Variants in PLXNB2 observed in about 807,000 individuals in gnomAD.
PLXNB2 encodes plexin-B2.
In PLXNB2, 85 loss-of-function variants were observed where a neutral mutation model predicts 202.6. That is an observed-to-expected ratio of 0.42 (90% CI 0.35 to 0.50). PLXNB2 has a LOEUF of 0.50. Among genes scored for constraint, PLXNB2 ranks in the 20% least tolerant of loss-of-function variants. The pLI is 0.02. For synonymous variants in PLXNB2, 1,239 were observed against 1,137.6 expected (o/e 1.09, Z -1.79); for missense variants, 2,063 against 2,586.2 (o/e 0.80, Z 4.39).
In PLXNB2 at chr22:50,289,014, G is replaced by A. The variant is rs202086361; in HGVS notation, c.1197C>T (p.Ala399=). 4 of 1,610,424 alleles carry A rather than the reference G, an allele frequency of 2.5e-6. No individual in the cohort carries two copies. The highest frequency in any genetic ancestry group is 3.4e-6 in the Non-Finnish European group (4 of 1,178,290). ...GAAAAGCAACAGTGTGGTTGTTCTC[G>A]GCGGCGACCGTCACGGCCGTGAGGT... The part of the protein sequence containing the change: ...GLNLTAVTVA[A]ENNHTVAFLG... The change falls in exon 4 of 37, where the codon GCC becomes GCT. Residue 399 remains alanine (A), a synonymous_variant. Transcript: ENST00000359337. The surrounding 1 kb of genome is among the most constrained non-coding windows in gnomAD (Gnocchi z 8.0).
Position 50,281,345 on chromosome 22 carries a change from G to C in PLXNB2, c.3662+15C>G, listed in dbSNP as rs200366239. 1.9e-6 allele frequency: 3 copies of C among 1,610,012 alleles called. No homozygotes were observed. The Admixed American group carries it at 5.0e-5, about 27-fold the overall frequency. ...GAGGGCTCAGGGTGTTGGCACAGCC[G>C]GGGGGCGGGCTCACCAGTAGCAGTA... On this transcript the variant is annotated intron_variant, in intron 22 of 36. Coordinates refer to ENST00000359337, the MANE Select transcript of PLXNB2 (RefSeq NM_012401.4).
rs775508789 is a variant in PLXNB2 at position 50,283,811 on chromosome 22, G to C, written c.2421+22C>G. 4.3e-6 allele frequency: 7 copies of C among 1,611,630 alleles called. No individual in the cohort carries two copies. In the Admixed American group the frequency reaches 5.0e-5, roughly 12 times the overall value. ...CATGCCAGGGACGAGGGAAGGTGTA[G>C]GCCAGGCTTCGAGGGGCTCACCCTG... On this transcript the variant is annotated intron_variant, in intron 14 of 36. Coordinates refer to ENST00000359337, the MANE Select transcript of PLXNB2 (RefSeq NM_012401.4).
At chr22:50,294,156 G>T (rs902718383) in intron 2 of PLXNB2, among the ~76,000 whole-genome samples, 1 of 152,254 alleles carries the variant, frequency 6.6e-6, no homozygotes, top group Admixed American at 6.5e-5. Flanking sequence ...GGGAGGGCGG[G>T]CAGCAGGCAC....
chr22:50,276,529 T>A, intron 35 of PLXNB2, 100 bp downstream of exon 35: 1 of 1,036,000 alleles, frequency 9.7e-7, no homozygotes, highest in Non-Finnish European at 1.5e-6. Flanking sequence ...TCTCTCCCCC[T>A]CAGCACCACA....
Position 50,289,137 on chromosome 22 carries a change from G to C in PLXNB2, c.1074C>G (p.Ser358=). ...CCGAGCCACATGGGAAGCTCTTGCT[G>C]GAGCCCTGCGGACCACAGCGTGTCA... The part of the protein sequence containing the change: ...DIQCGGHAPG[S]SKSFPCGSEH... The change falls in exon 4 of 37, where the codon TCC becomes TCG. Residue 358 remains serine (S), a synonymous_variant. Coordinates refer to ENST00000359337, the MANE Select transcript of PLXNB2 (RefSeq NM_012401.4). This position sits in a 1 kb window ranked among gnomAD's most constrained non-coding sequence, Gnocchi z 8.0. The C allele has an allele frequency of 6.4e-7, 1 of 1,571,514 alleles. No individual in the cohort carries two copies. Among genetic ancestry groups the C allele is most frequent in the South Asian group, 1.1e-5 (1 of 88,972 alleles).
chr22:50,284,927 C>A lies in PLXNB2; in HGVS notation c.2089-262G>T. On this transcript the variant is annotated intron_variant, in intron 11 of 36. Transcript: ENST00000359337. This position sits in a 1 kb window ranked among gnomAD's most constrained non-coding sequence, Gnocchi z 8.0. ...ACTCATCCACACCTGAGAACATCGC[C>A]CGGCCCACCTGACATCGTGGCCCCC... 1.7e-6 allele frequency: 1 copy of A among 605,762 alleles called. No homozygotes were observed. Among genetic ancestry groups the A allele is most frequent in the Non-Finnish European group, 3.2e-6 (1 of 314,140 alleles). 37.5% of individuals were successfully genotyped at this position (605,762 alleles called of 1,614,324 possible).
intron 1 of PLXNB2, among the ~76,000 whole-genome samples, chr22:50,299,383 C>T (rs1262735055): frequency 2.0e-5 from 3 of 151,934 alleles, no homozygotes; most frequent in African/African-American, 7.3e-5. Context: ...GGCCAAGGCG[C>T]GTCTGAGAGT....
Position 50,283,864 on chromosome 22 carries a change from G to A in PLXNB2, c.2390C>T (p.Thr797Ile), listed in dbSNP as rs1261718526. 6 of 1,608,442 alleles carry A rather than the reference G, an allele frequency of 3.7e-6. No individual in the cohort carries two copies. In the South Asian group the frequency reaches 4.4e-5, roughly 12 times the overall value. Residue 797 changes from threonine to isoleucine, a missense_variant, in exon 14 of 37, where the codon ACC (threonine) becomes ATC (isoleucine). Physicochemically the swap from Thr to Ile is moderately conservative, Grantham distance 89. Coordinates refer to ENST00000359337, the MANE Select transcript of PLXNB2 (RefSeq NM_012401.4). ...GATGACGGGCGGCGGGCACTCGGAG[G>A]TGGTGTTGCACAGGGCCTCATACAC... is the stretch of plus-strand genomic sequence containing the variant. ...RCVYEALCNT[T>I]SECPPPVITR...
chr22:50,307,473 G>A (rs151210496), intron 1 of PLXNB2, 80 bp downstream of exon 1: 361,397 of 808,036 alleles, frequency 0.45, 81,729 homozygotes, highest in South Asian at 0.61. Flanking sequence ...CGGCAGGCCC[G>A]GGCGGAGCGG....
chr22:50,295,031 C>G (rs1159130585), intron 1 of PLXNB2, among the ~76,000 whole-genome samples: 1 of 152,178 alleles, frequency 6.6e-6, no homozygotes, highest in Non-Finnish European at 1.5e-5. Context: ...ATAAAAGTTG[C>G]TTTCTGAGGC....
Position 50,288,160 on chromosome 22 carries a change from A to G in PLXNB2, c.1381-123T>C. ...TCCCGGGGCCTCGGGAGCCTCAGAC[A>G]CCTCAGGCTTGATATTAAACAGTTC... On this transcript the variant is annotated intron_variant, in intron 5 of 36. Coordinates refer to ENST00000359337, the MANE Select transcript of PLXNB2 (RefSeq NM_012401.4). This position sits in a 1 kb window ranked among gnomAD's most constrained non-coding sequence, Gnocchi z 5.0. 1.4e-6 allele frequency: 1 copy of G among 690,288 alleles called. No individual in the cohort carries two copies. The highest frequency in any genetic ancestry group is 1.8e-5 in the African/African-American group (1 of 55,290). The allele number at this position is 690,288 out of a possible 1,614,324, so 42.8% of individuals were successfully genotyped here. A position where few individuals can be genotyped will look rare whatever the true frequency, so the allele number is the denominator to read the frequency against.
chr22:50,279,554 T>C (rs1328335793), intron 27 of PLXNB2, 76 bp downstream of exon 27: 7 of 1,423,272 alleles, frequency 4.9e-6, no homozygotes, highest in African/African-American at 1.4e-5. Context: ...GTGGGTCCCA[T>C]CTGTGGCCAG....
chr22:50,279,939 C>T (rs1055562055), intron 26 of PLXNB2, 66 bp downstream of exon 26: 26 of 1,436,084 alleles, frequency 1.8e-5, no homozygotes, highest in Middle Eastern at 1.8e-4. Context: ...GATAGGGGAA[C>T]GCAGGAGGGG....
chr22:50,299,737 C>T (rs1228549570), intron 1 of PLXNB2, among the ~76,000 whole-genome samples: 1 of 152,112 alleles, frequency 6.6e-6, no homozygotes, highest in African/African-American at 2.4e-5. Context: ...CCGGCGGCCC[C>T]GCCACCCAGC....
chr22:50,290,247 C>T lies in PLXNB2; in HGVS notation c.338G>A (p.Gly113Asp), dbSNP rs200827623. The change falls in exon 3 of 37, where the codon GGC becomes GAC. Residue 113 changes from glycine to aspartate, a missense_variant. By Grantham distance (94) the Gly-to-Asp change is moderately conservative. Coordinates refer to ENST00000359337, the MANE Select transcript of PLXNB2 (RefSeq NM_012401.4). ...DPPRKRLVEC[G>D]SLFKGICALR... is the part of the protein sequence containing the mutation. ...AGCGCAGATGCCCTTGAAGAGGCTG[C>T]CGCACTCCACCAGGCGCTTCCTGGG... 6.2e-7 allele frequency: 1 copy of T among 1,611,180 alleles called. No individual in the cohort carries two copies. The highest frequency in any genetic ancestry group is 8.5e-7 in the Non-Finnish European group (1 of 1,179,934).
chr22:50,276,759 G>A (rs777003969), intron 34 of PLXNB2, 55 bp from the exon 35 acceptor site: 49 of 1,598,916 alleles, frequency 3.1e-5, no homozygotes, highest in African/African-American at 2.7e-4. Context: ...AAAGGGGGTG[G>A]TGGGGGAAAC....
chr22:50,294,247 G>A (rs2067100474), intron 2 of PLXNB2, among the ~76,000 whole-genome samples: 1 of 152,250 alleles, frequency 6.6e-6, no homozygotes, highest in Non-Finnish European at 1.5e-5. Context: ...CCTTCCTCCT[G>A]GCTGAAGCTC....
rs528812002 is a variant in PLXNB2, at chr22:50,278,337, T to C, written c.4733-66A>G. 5.2e-5 allele frequency: 82 copies of C among 1,590,078 alleles called. 1 individual carries two copies. In the African/African-American group the frequency reaches 1.1e-3, roughly 21 times the overall value. ...GGGGCCTGGGTCCCACAGGGAGCAG[T>C]GGTGGCAGGGTGGGCAGGGGTGCAT... On this transcript the variant is annotated intron_variant, in intron 30 of 36. Coordinates refer to ENST00000359337, the MANE Select transcript of PLXNB2 (RefSeq NM_012401.4).
intron 8 of PLXNB2, among the ~76,000 whole-genome samples, chr22:50,286,869 G>A (rs369395626): frequency 3.7e-4 from 56 of 152,314 alleles, no homozygotes; most frequent in African/African-American, 1.1e-3. Flanking sequence ...GGAGCAGGCT[G>A]AAGACAAGTC....
Sources: gnomAD v4.1 joint callset for allele counts (sites outside exome capture counted in the v4.1 genomes callset) on GRCh38, gnomAD v4.1.1 for gene constraint, Gnocchi (gnomAD v3.1) non-coding constraint, MANE v1.5 for transcripts, NCBI Gene and HGNC (gene_info 2026-07-23, HGNC 2026-07-21) for gene names.